Variants in SESTD1 observed in about 807,000 individuals in gnomAD.
The protein encoded by SESTD1 is SEC14 and spectrin domain containing 1.
Under a neutral mutation model 101.7 loss-of-function variants are expected in SESTD1, and 43 were observed. The observed-to-expected ratio is 0.42, with a 90% CI of 0.33 to 0.55. SESTD1 has a LOEUF of 0.55. Ranked by LOEUF, SESTD1 falls within the 20% of genes least tolerant of loss-of-function variation. The pLI, the probability that SESTD1 is intolerant of heterozygous loss-of-function variation, is 0.07. For missense variants in SESTD1, 647 were observed against 815.1 expected (o/e 0.79, Z 2.51); for synonymous variants, 283 against 286.8 (o/e 0.99, Z 0.13).
At chr2:179,121,024 C>T (rs574153489) in intron 13 of SESTD1, among the ~76,000 whole-genome samples, 20 of 152,160 alleles carry the variant, frequency 1.3e-4, no homozygotes, top group South Asian at 8.3e-4. Context: ...TTGATATAAA[C>T]GGAGAGCTCT....
intron 7 of SESTD1, among the ~76,000 whole-genome samples, chr2:179,147,755 AAG>A (rs1268027559): frequency 6.6e-6 from 1 of 152,180 alleles, no homozygotes; most frequent in Non-Finnish European, 1.5e-5. Flanking sequence ...GTCATTCTCA[AAG>A]AGGGAAATAC....
intron 1 of SESTD1, among the ~76,000 whole-genome samples, chr2:179,259,831 A>C (rs2047457043): frequency 6.6e-6 from 1 of 152,206 alleles, no homozygotes. Flanking sequence ...GTTACTAAGA[A>C]ATTAACTTGT....
At chr2:179,122,752 C>T (rs1304094509) in intron 12 of SESTD1, among the ~76,000 whole-genome samples, 2 of 152,100 alleles carry the variant, frequency 1.3e-5, no homozygotes, top group Non-Finnish European at 2.9e-5. Flanking sequence ...AAAAATTAGC[C>T]GGGCGTGGTG....
At chr2:179,113,207 A>G (rs1246046399) in intron 16 of SESTD1, among the ~76,000 whole-genome samples, 1 of 152,230 alleles carries the variant, frequency 6.6e-6, no homozygotes, top group Non-Finnish European at 1.5e-5. Flanking sequence ...GTAACCATTT[A>G]TTGAACAGTT....
At chr2:179,231,262 C>A (rs2046982670) in intron 1 of SESTD1, among the ~76,000 whole-genome samples, 1 of 151,548 alleles carries the variant, frequency 6.6e-6, no homozygotes, top group South Asian at 2.1e-4. Flanking sequence ...GATCTAAGAG[C>A]AAAACGAAGT....
intron 1 of SESTD1, among the ~76,000 whole-genome samples, chr2:179,262,595 TA>T (rs1451429288): frequency 6.6e-6 from 1 of 152,180 alleles, no homozygotes; most frequent in Non-Finnish European, 1.5e-5. Flanking sequence ...TTTAGTAAAG[TA>T]AAACTACTAT....
At chr2:179,243,880 A>T (rs2047190125) in intron 1 of SESTD1, among the ~76,000 whole-genome samples, 1 of 151,736 alleles carries the variant, frequency 6.6e-6, no homozygotes, top group Non-Finnish European at 1.5e-5. Flanking sequence ...GTAACAAACT[A>T]CATATGTACC....
Position 179,104,663 on chromosome 2 carries a change from T to C in SESTD1, c.*5236A>G, listed in dbSNP as rs1380552855. 1 of 152,138 alleles carries C rather than the reference T, an allele frequency of 6.6e-6. No individual in the cohort carries two copies. Among genetic ancestry groups the C allele is most frequent in the Non-Finnish European group, 1.5e-5 (1 of 68,000 alleles). The allele number at this position is 152,138 out of a possible 1,614,324, so 9.4% of individuals were successfully genotyped here. A position where few individuals can be genotyped will look rare whatever the true frequency, so the allele number is the denominator to read the frequency against. ...CAATAGCCCTTTTGTCAGAAAGTTT[T>C]CTACATGCCTAACTTAAAATCCCTA... On this transcript the variant is annotated 3_prime_UTR_variant, in exon 18 of 18. Transcript: ENST00000428443.
intron 1 of SESTD1, among the ~76,000 whole-genome samples, chr2:179,249,451 C>G (rs1487679144): frequency 6.6e-6 from 1 of 152,042 alleles, no homozygotes; most frequent in African/African-American, 2.4e-5. Flanking sequence ...AGTTATAAAT[C>G]TAACAAAACA....
rs551240977 is a variant in SESTD1 at position 179,108,978 on chromosome 2, C to G, written c.*921G>C. ...ATTACACTGAAGTAATTATGTATGC[C>G]TTCTTCCTCAGCCCTCCTCCCCTAA... On this transcript the variant is annotated 3_prime_UTR_variant, in exon 18 of 18. Coordinates refer to ENST00000428443, the MANE Select transcript of SESTD1 (RefSeq NM_178123.5). 18 of 152,156 alleles carry G rather than the reference C, an allele frequency of 1.2e-4. No homozygotes were observed. The highest frequency in any genetic ancestry group is 4.3e-4 in the African/African-American group (18 of 41,516). 9.4% of individuals were successfully genotyped at this position (152,156 alleles called of 1,614,324 possible).
intron 1 of SESTD1, among the ~76,000 whole-genome samples, chr2:179,241,620 A>C (rs1248376145): frequency 4.7e-5 from 1 of 21,462 alleles, no homozygotes; most frequent in Admixed American, 7.8e-4. Context: ...CAAGACTCTC[A>C]TCTTTAAAAA....
chr2:179,198,908 G>C (rs2046451450), intron 1 of SESTD1, among the ~76,000 whole-genome samples: 1 of 151,808 alleles, frequency 6.6e-6, no homozygotes, highest in East Asian at 1.9e-4. Context: ...AGAAAAGCAA[G>C]AGCAAACACA....
intron 9 of SESTD1, among the ~76,000 whole-genome samples, chr2:179,140,573 C>G (rs1160273264): frequency 6.6e-6 from 1 of 152,176 alleles, no homozygotes; most frequent in Non-Finnish European, 1.5e-5. Context: ...AGTCTGTTTG[C>G]TACGGCAGCC....
intron 1 of SESTD1, among the ~76,000 whole-genome samples, chr2:179,212,541 ACTC>A (rs2046664726): frequency 7.4e-6 from 1 of 135,186 alleles, no homozygotes; most frequent in Non-Finnish European, 1.6e-5. Context: ...GCCTCTATAG[ACTC>A]CACCTCTGTG....
chr2:179,196,098 C>T (rs185391422), intron 1 of SESTD1, among the ~76,000 whole-genome samples: 14 of 152,260 alleles, frequency 9.2e-5, no homozygotes, highest in South Asian at 2.1e-4. Flanking sequence ...AGTGGGTGCA[C>T]GCACCATGTG....
Position 179,116,564 on chromosome 2 carries a change from CAAA to C in SESTD1, c.1647+101_1647+103del. 3 of 1,571,966 alleles carry C rather than the reference CAAA, an allele frequency of 1.9e-6. No homozygotes were observed. In the East Asian group the frequency reaches 6.7e-5, roughly 35 times the overall value. ...TAATTCTGTGACACTTCTGGAATAA[CAAA>C]ACTAACCTTCTTGTACTTGGAAGGT... On this transcript the variant is annotated intron_variant, in intron 15 of 17. Transcript: ENST00000428443.
chr2:179,191,806 T>C lies in SESTD1; in HGVS notation c.36A>G (p.Lys12=). 6.2e-7 allele frequency: 1 copy of C among 1,612,918 alleles called. No homozygotes were observed. Among genetic ancestry groups the C allele is most frequent in the Non-Finnish European group, 8.5e-7 (1 of 1,179,392 alleles). The change falls in exon 2 of 18, where the codon AAA becomes AAG. Residue 12 remains lysine (K), a synonymous_variant. Coordinates refer to ENST00000428443, the MANE Select transcript of SESTD1 (RefSeq NM_178123.5). ...TCATACCTGAAAGGAAGGCTAGTTT[T>C]TTCTTCAGAATGGGTAATATTACTG... ...EASVILPILK[K]KLAFLSGGKD...
intron 5 of SESTD1, among the ~76,000 whole-genome samples, chr2:179,157,194 A>G (rs2045648587): frequency 6.6e-6 from 1 of 152,194 alleles, no homozygotes; most frequent in Non-Finnish European, 1.5e-5. Flanking sequence ...AAGACAAACT[A>G]CAAAACACTG....
At chr2:179,138,840 C>CA (rs1172295316) in intron 9 of SESTD1, among the ~76,000 whole-genome samples, 1 of 139,506 alleles carries the variant, frequency 7.2e-6, no homozygotes, top group Non-Finnish European at 1.5e-5. Context: ...CTCTGCACTC[C>CA]AGCCTGGGTA....
Sources: allele counts gnomAD v4.1 joint callset (sites outside exome capture counted in the v4.1 genomes callset), GRCh38; gene constraint gnomAD v4.1.1; transcripts MANE v1.5; gene names NCBI Gene and HGNC (gene_info 2026-07-23, HGNC 2026-07-21).